The following RNF126 variants were observed in gnomAD, a reference collection of about 807,000 sequenced individuals.
RNF126 encodes the protein ring finger protein 126, also known as E3 ubiquitin-protein ligase RNF126.
RNF126 carries 20 observed loss-of-function variants against 41.9 expected under a neutral mutation model. The observed-to-expected ratio is 0.48, with a 90% CI of 0.34 to 0.69. The LOEUF is 0.69. RNF126 is among the 30% of genes least tolerant of loss of function. RNF126 has a pLI of 0.01. For missense variants in RNF126, 433 were observed against 460.6 expected (o/e 0.94, Z 0.55); for synonymous variants, 239 against 202.9 (o/e 1.18, Z -1.51).
At chr19:652,418 G>A (rs1342710656) in intron 2 of RNF126, 122 bp from the exon 3 acceptor site, 14 of 851,884 alleles carry the variant, frequency 1.6e-5, no homozygotes, top group African/African-American at 3.5e-5. Context: ...CTTCCCACCC[G>A]CCACCGCCCC....
intron 1 of RNF126, among the ~76,000 whole-genome samples, chr19:657,102 G>A (rs915644689): frequency 2.6e-5 from 4 of 152,296 alleles, no homozygotes; most frequent in South Asian, 2.1e-4. Flanking sequence ...CAGCTGCCCC[G>A]ACCACCATCT....
chr19:651,326 A>C, intron 4 of RNF126: 1 of 289,804 alleles, frequency 3.5e-6, no homozygotes, highest in Non-Finnish European at 6.4e-6. Flanking sequence ...AGGCCTGGAC[A>C]GCGTTTGACG....
intron 1 of RNF126, among the ~76,000 whole-genome samples, chr19:660,676 C>A (rs1419734441): frequency 6.6e-6 from 1 of 152,224 alleles, no homozygotes; most frequent in East Asian, 1.9e-4. Context: ...GTCACCCAGG[C>A]TGGAGTGCAC....
intron 1 of RNF126, among the ~76,000 whole-genome samples, chr19:662,676 G>A (rs769403131): frequency 1.1e-3 from 167 of 152,208 alleles, no homozygotes; most frequent in Non-Finnish European, 1.9e-3. Context: ...TCTGCTCGCC[G>A]GGCCTCAGTT....
intron 3 of RNF126, 161 bp from the exon 4 acceptor site, chr19:652,016 C>T (rs543012363): frequency 3.6e-4 from 261 of 717,938 alleles, no homozygotes; most frequent in South Asian, 2.7e-3. Flanking sequence ...GAGCCTGCCC[C>T]GCTGGTGTGA....
chr19:649,508 T>C (rs918749805), intron 6 of RNF126, 171 bp downstream of exon 6: 2 of 594,276 alleles, frequency 3.4e-6, no homozygotes, highest in African/African-American at 1.9e-5. Flanking sequence ...GACTCAGAAA[T>C]GGCAGGAGGA....
intron 3 of RNF126, 32 bp from the exon 4 acceptor site, chr19:651,887 G>T: frequency 6.3e-7 from 1 of 1,586,154 alleles, no homozygotes. Flanking sequence ...GACCTCGGGG[G>T]CTCAGGCCCG....
At chr19:649,876 G>C (rs1410261701) in intron 5 of RNF126, 128 bp from the exon 6 acceptor site, 11 of 656,308 alleles carry the variant, frequency 1.7e-5, no homozygotes, top group Non-Finnish European at 3.0e-5. Flanking sequence ...CAGGGACCCT[G>C]GCTGGGGATG....
chr19:658,213 C>T (rs762158714), intron 1 of RNF126, among the ~76,000 whole-genome samples: 2 of 152,122 alleles, frequency 1.3e-5, no homozygotes, highest in Non-Finnish European at 2.9e-5. Context: ...ACCCCTGCAG[C>T]GTGATGGCCT....
rs1279868118 is a variant in RNF126 at position 648,229 on chromosome 19, C to T, written c.835G>A (p.Ala279Thr). Residue 279 changes from alanine to threonine, a missense_variant, in exon 9 of 9, where the codon GCC becomes ACC. By Grantham distance (58) the Ala-to-Thr change is moderately conservative. Coordinates refer to ENST00000292363, the MANE Select transcript of RNF126 (RefSeq NM_194460.3). ...CRKSLTGQNTATNPPGLTGVS... is the reference protein window; with the variant it reads ...CRKSLTGQNTTTNPPGLTGVS... ...CCAGTGAGGCCAGGGGGGTTCGTGGCCGTGTTCTGTCCCGTGAGGCTTTTT... is the reference window on the plus strand; with the variant it reads ...CCAGTGAGGCCAGGGGGGTTCGTGGTCGTGTTCTGTCCCGTGAGGCTTTTT... The T allele has an allele frequency of 1.3e-6, 2 of 1,597,226 alleles. No homozygotes were observed. Among genetic ancestry groups the T allele is most frequent in the Non-Finnish European group, 1.7e-6 (2 of 1,172,226 alleles).
Position 649,714 on chromosome 19 carries a change from A to G in RNF126, c.541T>C (p.Trp181Arg). 6.4e-7 allele frequency: 1 copy of G among 1,571,362 alleles called. No homozygotes were observed. ...ATGGCATCCAGGCCGTTGGCCCCCC[A>G]GGCGTAGTCCATAGGGTTTGAGTGC... Reference protein sequence around the residue: ...VLHSNPMDYAWGANGLDAIIT... With the variant: ...VLHSNPMDYARGANGLDAIIT... Residue 181 changes from tryptophan (W) to arginine (R), a missense_variant, in exon 6 of 9, where the codon TGG becomes CGG. Physicochemically the swap from Trp to Arg is moderately radical, Grantham distance 101. Coordinates refer to ENST00000292363, the MANE Select transcript of RNF126 (RefSeq NM_194460.3).
intron 4 of RNF126, 157 bp from the exon 5 acceptor site, chr19:650,453 T>A: frequency 1.6e-6 from 1 of 630,134 alleles, no homozygotes; most frequent in Non-Finnish European, 2.7e-6. Context: ...GGTCTCACTC[T>A]AATGCCGAGG....
Position 659,639 on chromosome 19 carries a change from G to T in RNF126, c.75+3408C>A, listed in dbSNP as rs866864130. Among the ~76,000 whole-genome samples the T allele has an allele frequency of 6.6e-6, 1 of 152,136 alleles. No individual in the cohort carries two copies. The highest frequency in any genetic ancestry group is 1.5e-5 in the Non-Finnish European group (1 of 68,030). ...CAGTCAGTGCCTCCTCAGCAGGCTCGAGTCTGGGTCTGCGCAGCCGCCTGT... is the reference window on the plus strand; with the variant it reads ...CAGTCAGTGCCTCCTCAGCAGGCTCTAGTCTGGGTCTGCGCAGCCGCCTGT... On this transcript the variant is annotated intron_variant, in intron 1 of 8. Transcript: ENST00000292363. This position sits in a 1 kb window ranked among gnomAD's most constrained non-coding sequence, Gnocchi z 4.9.
At chr19:649,788 C>T in intron 5 of RNF126, 40 bp from the exon 6 acceptor site, 1 of 1,503,920 alleles carries the variant, frequency 6.6e-7, no homozygotes, top group African/African-American at 1.4e-5. Context: ...TGACGGGCAG[C>T]TGGGGCAGGT....
intron 4 of RNF126, 191 bp from the exon 5 acceptor site, chr19:650,487 G>C: frequency 1.9e-6 from 1 of 527,590 alleles, no homozygotes; most frequent in South Asian, 2.8e-5. Flanking sequence ...GCTTGATCTT[G>C]GTTCACTGCA....
At position 651,601 on chromosome 19, in the gene RNF126, GC is replaced by G; in HGVS notation, c.443+9del. On this transcript the variant is annotated intron_variant, in intron 4 of 8. Coordinates refer to ENST00000292363, the MANE Select transcript of RNF126 (RefSeq NM_194460.3). ...TGGGGCCCTCGCGGCCACCCCCGGG[GC>G]CCCCTCACCCTTCCAGCGTGGGGAC... The G allele has an allele frequency of 2.1e-6, 3 of 1,408,540 alleles. No homozygotes were observed. The highest frequency in any genetic ancestry group is 1.8e-6 in the Non-Finnish European group (2 of 1,085,964). The allele number at this position is 1,408,540 out of a possible 1,614,324, so 87.3% of individuals were successfully genotyped here.
intron 2 of RNF126, 59 bp from the exon 3 acceptor site, chr19:652,355 C>G (rs560793743): frequency 7.2e-7 from 1 of 1,382,598 alleles, no homozygotes; most frequent in Admixed American, 2.5e-5. Flanking sequence ...GCGCCAGGCG[C>G]TCCCTCCCCT....
chr19:654,336 GA>G (rs1568192542), intron 1 of RNF126, among the ~76,000 whole-genome samples: 1 of 152,160 alleles, frequency 6.6e-6, no homozygotes, highest in Non-Finnish European at 1.5e-5. Flanking sequence ...CACGCCCCAC[GA>G]ATTCTCGGCA....
intron 7 of RNF126, 130 bp from the exon 8 acceptor site, chr19:648,617 T>C: frequency 1.3e-6 from 1 of 750,466 alleles, no homozygotes. Flanking sequence ...CGTGTGTGTG[T>C]CCCCCGGGCT....
Sources: allele counts gnomAD v4.1 joint callset (sites outside exome capture counted in the v4.1 genomes callset), GRCh38; gene constraint gnomAD v4.1.1; non-coding constraint Gnocchi (gnomAD v3.1); transcripts MANE v1.5; gene names NCBI Gene and HGNC (gene_info 2026-07-23, HGNC 2026-07-21).